The following BMPER variants were observed in gnomAD, a reference collection of about 807,000 sequenced individuals.
The protein encoded by BMPER is BMP binding endothelial regulator, also known as BMP-binding endothelial regulator protein.
A neutral mutation model predicts 87.3 loss-of-function variants in BMPER; 45 were observed. That is an observed-to-expected ratio of 0.52 (90% CI 0.41 to 0.66). BMPER has a LOEUF of 0.66. BMPER is among the 30% of genes least tolerant of loss of function. The pLI is 0.00. For missense variants in BMPER, 784 were observed against 867.5 expected (o/e 0.90, Z 1.21); for synonymous variants, 326 against 316.2 (o/e 1.03, Z -0.33).
At chr7:34,139,931 C>T (rs1790820179) in intron 13 of BMPER, among the ~76,000 whole-genome samples, 1 of 152,080 alleles carries the variant, frequency 6.6e-6, no homozygotes, top group Admixed American at 6.5e-5. Context: ...TATTCACAGG[C>T]ATTACTATTT....
rs539783792 is a variant in BMPER, at chr7:34,120,434, C to T, written c.1746-22796C>T. ...TTTTTTTGAGATGGAGTTTTGCTCT[C>T]GTTGCCCAGACTGGAGTGCGATGGC... On this transcript the variant is annotated intron_variant, in intron 13 of 14. Transcript: ENST00000649409. Among the ~76,000 whole-genome samples, 10 of 150,946 alleles carry T rather than the reference C, an allele frequency of 6.6e-5. No individual in the cohort carries two copies. In the East Asian group the frequency reaches 1.6e-3, roughly 24 times the overall value.
chr7:34,066,579 T>G (rs982194069), intron 11 of BMPER, among the ~76,000 whole-genome samples: 5 of 152,186 alleles, frequency 3.3e-5, no homozygotes, highest in African/African-American at 4.8e-5. Context: ...TGGGCACACA[T>G]GAGCACAGGG....
intron 13 of BMPER, among the ~76,000 whole-genome samples, chr7:34,099,286 TACC>T (rs1789614489): frequency 6.6e-6 from 1 of 152,234 alleles, no homozygotes; most frequent in East Asian, 1.9e-4. Flanking sequence ...TTTTGACCAT[TACC>T]ACCATAATCT....
In BMPER at chr7:33,924,473, C is replaced by G. The variant is rs750879168; in HGVS notation, c.220-12816C>G. On this transcript the variant is annotated intron_variant, in intron 2 of 14. Transcript: ENST00000649409. ...TGGCCTCAGCTCCCAAAGCACCTTCCCCTCTCACCGTGCTCCAGCTGCGCG... is the reference window on the plus strand; with the variant it reads ...TGGCCTCAGCTCCCAAAGCACCTTCGCCTCTCACCGTGCTCCAGCTGCGCG... Among the ~76,000 whole-genome samples the G allele has an allele frequency of 3.6e-4, 54 of 152,110 alleles. 1 individual carries two copies. The highest frequency in any genetic ancestry group is 1.0e-3 in the Admixed American group (16 of 15,272).
intron 3 of BMPER, among the ~76,000 whole-genome samples, chr7:33,945,600 A>G (rs1784874183): frequency 6.6e-6 from 1 of 152,030 alleles, no homozygotes; most frequent in Admixed American, 6.6e-5. Context: ...AGGCTCATGA[A>G]AGCTGTGGCA....
chr7:34,003,384 C>G (rs1220825200), intron 6 of BMPER, among the ~76,000 whole-genome samples: 1 of 151,890 alleles, frequency 6.6e-6, no homozygotes, highest in Non-Finnish European at 1.5e-5. Flanking sequence ...TTCTCCCTTC[C>G]TTTCTACTAT....
intron 6 of BMPER, among the ~76,000 whole-genome samples, chr7:34,017,798 A>C (rs899791957): frequency 1.3e-5 from 2 of 151,866 alleles, no homozygotes; most frequent in Non-Finnish European, 2.9e-5. Context: ...TCCATGCTTT[A>C]GGAATCACTT....
chr7:34,152,957 G>A (rs1791216762), intron 14 of BMPER, 135 bp from the exon 15 acceptor site: 2 of 1,032,446 alleles, frequency 1.9e-6, no homozygotes, highest in South Asian at 1.3e-5. Context: ...TCATTCTCTT[G>A]TTAAAATGCA....
chr7:33,972,058 A>G (rs1785562336), intron 5 of BMPER, among the ~76,000 whole-genome samples: 1 of 151,964 alleles, frequency 6.6e-6, no homozygotes, highest in Non-Finnish European at 1.5e-5. Context: ...ACCCGCCACC[A>G]TGCCTGGCTA....
In BMPER at chr7:34,135,345, G is replaced by A. The variant is rs899213207; in HGVS notation, c.1746-7885G>A. 3.3e-5 allele frequency among the ~76,000 whole-genome samples: 5 copies of A among 152,256 alleles called. No homozygotes were observed. The South Asian group carries it at 6.2e-4, about 19-fold the overall frequency. ...AAAATACAAGGCTGAGCAGGGGAGC[G>A]CAGGAAGGTAACTGAAGAGTCCTTA... On this transcript the variant is annotated intron_variant, in intron 13 of 14. Transcript: ENST00000649409.
At position 33,958,567 on chromosome 7, in the gene BMPER, C is replaced by T. The variant is rs181117953; in HGVS notation, c.320-7912C>T. ...TCATTGAAAGGCAGCATGCCATCTT[C>T]CCCAGAGACAACATTTTTACTACTG... On this transcript the variant is annotated intron_variant, in intron 3 of 14. Transcript: ENST00000649409. Among the ~76,000 whole-genome samples, 1,341 of 152,308 alleles carry T rather than the reference C, an allele frequency of 8.8e-3. 25 individuals carry two copies. The highest frequency in any genetic ancestry group is 0.031 in the African/African-American group (1,276 of 41,554).
At chr7:34,013,381 A>C (rs1390932470) in intron 6 of BMPER, among the ~76,000 whole-genome samples, 2 of 151,716 alleles carry the variant, frequency 1.3e-5, no homozygotes, top group Non-Finnish European at 1.5e-5. Flanking sequence ...ATCCTAGATC[A>C]AGCTTCTATT....
chr7:33,944,093 G>C (rs1784826147), intron 3 of BMPER, among the ~76,000 whole-genome samples: 1 of 152,152 alleles, frequency 6.6e-6, no homozygotes, highest in South Asian at 2.1e-4. Context: ...GCTAGATGAA[G>C]AATGTGGGGA....
intron 13 of BMPER, among the ~76,000 whole-genome samples, chr7:34,112,490 G>A (rs1180008516): frequency 6.7e-4 from 40 of 59,712 alleles, no homozygotes; most frequent in Admixed American, 1.4e-3. Context: ...GCGAGACTCC[G>A]TCTCAGAAAA....
In BMPER at chr7:33,934,378, A is replaced by T. The variant is rs139291870; in HGVS notation, c.220-2911A>T. Among the ~76,000 whole-genome samples, 525 of 152,234 alleles carry T rather than the reference A, an allele frequency of 3.4e-3. 1 individual carries two copies. The highest frequency in any genetic ancestry group is 0.012 in the African/African-American group (504 of 41,542). On this transcript the variant is annotated intron_variant, in intron 2 of 14. Transcript: ENST00000649409. ...ACTACTCCACATTCACACCAATCAG[A>T]CACCAGGGCAATGATCAGATATGGC... is the stretch of plus-strand genomic sequence containing the variant.
intron 2 of BMPER, among the ~76,000 whole-genome samples, chr7:33,934,536 A>T (rs1294020760): frequency 1.3e-5 from 2 of 151,680 alleles, no homozygotes; most frequent in African/African-American, 4.8e-5. Flanking sequence ...AAAAAAAAAA[A>T]TCCAGATGTG....
intron 3 of BMPER, among the ~76,000 whole-genome samples, chr7:33,950,167 G>A (rs968434128): frequency 6.6e-6 from 1 of 152,128 alleles, no homozygotes; most frequent in Non-Finnish European, 1.5e-5. Flanking sequence ...TGGACTTCTG[G>A]TGGTTCCATT....
intron 2 of BMPER, among the ~76,000 whole-genome samples, chr7:33,915,206 G>A (rs894140159): frequency 3.3e-5 from 5 of 152,114 alleles, no homozygotes; most frequent in Admixed American, 6.5e-5. Context: ...ACAGTAATAT[G>A]CTTTTTGCAA....
intron 13 of BMPER, among the ~76,000 whole-genome samples, chr7:34,089,368 C>T (rs1789313433): frequency 1.3e-5 from 2 of 152,086 alleles, no homozygotes; most frequent in African/African-American, 2.4e-5. Flanking sequence ...TACAACAAAT[C>T]CCACAGGGCA....
Sources: allele counts gnomAD v4.1 joint callset (sites outside exome capture counted in the v4.1 genomes callset), GRCh38; gene constraint gnomAD v4.1.1; transcripts MANE v1.5; gene names NCBI Gene and HGNC (gene_info 2026-07-23, HGNC 2026-07-21).